The following PGR variants were observed in gnomAD, a reference collection of about 807,000 sequenced individuals.
The protein encoded by PGR is progesterone receptor.
A neutral mutation model predicts 76.1 loss-of-function variants in PGR; 25 were observed. The observed-to-expected ratio is 0.33, with a 90% CI of 0.24 to 0.46. The LOEUF is 0.46. Among genes scored for constraint, PGR ranks in the 20% least tolerant of loss-of-function variants. The pLI is 1.00. For synonymous variants in PGR, 579 were observed against 535.0 expected (o/e 1.08, Z -1.14); for missense variants, 1,172 against 1,225.3 (o/e 0.96, Z 0.65).
chr11:101,096,774 A>T (rs1251560940), intron 2 of PGR, among the ~76,000 whole-genome samples: 1 of 152,224 alleles, frequency 6.6e-6, no homozygotes, highest in Non-Finnish European at 1.5e-5. Flanking sequence ...TCACTCACTC[A>T]TAAACCGTAG....
At chr11:101,099,662 C>G (rs1861937453) in intron 2 of PGR, among the ~76,000 whole-genome samples, 1 of 152,184 alleles carries the variant, frequency 6.6e-6, no homozygotes, top group South Asian at 2.1e-4. Flanking sequence ...GGGTCACGGT[C>G]ATGTCCAGAG....
chr11:101,032,852 A>T lies in PGR; in HGVS notation c.*6264T>A. 1 of 188,056 alleles carries T rather than the reference A, an allele frequency of 5.3e-6. No homozygotes were observed. Among genetic ancestry groups the T allele is most frequent in the South Asian group, 1.9e-4 (1 of 5,130 alleles). The allele number at this position is 188,056 out of a possible 1,614,324, so 11.6% of individuals were successfully genotyped here. On this transcript the variant is annotated 3_prime_UTR_variant, in exon 8 of 8. Coordinates refer to ENST00000325455, the MANE Select transcript of PGR (RefSeq NM_000926.4). ...AGACGGGAACACTGGTAATCTCCACAATCTAGCAGAGTGACTGGCATACAG... is the reference window on the plus strand; with the variant it reads ...AGACGGGAACACTGGTAATCTCCACTATCTAGCAGAGTGACTGGCATACAG...
At chr11:101,049,847 A>T in intron 6 of PGR, 82 bp downstream of exon 6, 1 of 1,122,232 alleles carries the variant, frequency 8.9e-7, no homozygotes, top group Non-Finnish European at 1.3e-6. Flanking sequence ...CTCATACATA[A>T]CTATATAATC....
chr11:101,083,962 G>A (rs1300275785), intron 3 of PGR, among the ~76,000 whole-genome samples: 1 of 152,060 alleles, frequency 6.6e-6, no homozygotes, highest in African/African-American at 2.4e-5. Context: ...GAGGGGCCAG[G>A]GGCAGAATGA....
chr11:101,056,704 C>T (rs1310163689), intron 4 of PGR, among the ~76,000 whole-genome samples: 1 of 151,342 alleles, frequency 6.6e-6, no homozygotes, highest in Non-Finnish European at 1.5e-5. Flanking sequence ...AATCTTACTC[C>T]CAGAGTTTTG....
chr11:101,036,060 T>G lies in PGR; in HGVS notation c.*3056A>C, dbSNP rs112871859. ...GACTTGCTTAATCTCATCCAGCTAGTAAGTGGCAGAGAAGGGGGGCACAGT... is the reference window on the plus strand; with the variant it reads ...GACTTGCTTAATCTCATCCAGCTAGGAAGTGGCAGAGAAGGGGGGCACAGT... On this transcript the variant is annotated 3_prime_UTR_variant, in exon 8 of 8. Transcript: ENST00000325455. 4,512 of 222,660 alleles carry G rather than the reference T, an allele frequency of 0.02. 67 individuals are homozygous for G. The highest frequency in any genetic ancestry group is 0.029 in the Non-Finnish European group (3,206 of 111,518). The allele number at this position is 222,660 out of a possible 1,614,324, so 13.8% of individuals were successfully genotyped here.
At chr11:101,124,508 T>A (rs1862779827) in intron 2 of PGR, among the ~76,000 whole-genome samples, 1 of 152,206 alleles carries the variant, frequency 6.6e-6, no homozygotes, top group Admixed American at 6.5e-5. Context: ...TGAGATTTGC[T>A]TATCTTTCAA....
chr11:101,062,955 C>T lies in PGR; in HGVS notation c.1907-203G>A, dbSNP rs563041443. On this transcript the variant is annotated intron_variant, in intron 3 of 7. Coordinates refer to ENST00000325455, the MANE Select transcript of PGR (RefSeq NM_000926.4). ...AACTCTTGATTAAAAAAAATTTAGG[C>T]CTCAGACTTGGATTAAATAATTAGT... 5.6e-5 allele frequency: 26 copies of T among 466,142 alleles called. No homozygotes were observed. In the South Asian group the frequency reaches 6.2e-4, roughly 11 times the overall value. 28.9% of individuals were successfully genotyped at this position (466,142 alleles called of 1,614,324 possible).
At position 101,037,503 on chromosome 11, in the gene PGR, T is replaced by G. The variant is rs1180249534; in HGVS notation, c.*1613A>C. 4.4e-6 allele frequency: 1 copy of G among 226,946 alleles called. No individual in the cohort carries two copies. The highest frequency in any genetic ancestry group is 8.8e-6 in the Non-Finnish European group (1 of 114,198). The allele number at this position is 226,946 out of a possible 1,614,324, so 14.1% of individuals were successfully genotyped here. ...CAGTACAAAACAATTTAAGGCTACATAAACATAAGAAATAATTGTTTTGTG... is the reference window on the plus strand; with the variant it reads ...CAGTACAAAACAATTTAAGGCTACAGAAACATAAGAAATAATTGTTTTGTG... On this transcript the variant is annotated 3_prime_UTR_variant, in exon 8 of 8. Transcript: ENST00000325455.
intron 2 of PGR, among the ~76,000 whole-genome samples, chr11:101,109,994 C>A (rs1862294193): frequency 6.6e-6 from 1 of 152,148 alleles, no homozygotes; most frequent in Non-Finnish European, 1.5e-5. Context: ...AGAAATGGAA[C>A]AACAAAGCCT....
rs1396844023 is a variant in PGR, at chr11:101,127,782, G to T, written c.1289C>A (p.Thr430Asn). 6.4e-7 allele frequency: 1 copy of T among 1,563,808 alleles called. No homozygotes were observed. Among genetic ancestry groups the T allele is most frequent in the African/African-American group, 1.3e-5 (1 of 74,534 alleles). The change falls in exon 1 of 8, where the codon ACC (threonine) becomes AAC (asparagine). Residue 430 changes from threonine to asparagine, a missense_variant. Coordinates refer to ENST00000325455, the MANE Select transcript of PGR (RefSeq NM_000926.4). Reference sequence around the variant, plus strand: ...CGCCGCTTCCCCGGGTCTGGATGGGGTCGCTCGCGGCGGCAGCGGGGGCGG... The same window carrying T: ...CGCCGCTTCCCCGGGTCTGGATGGGTTCGCTCGCGGCGGCAGCGGGGGCGG... The part of the protein sequence containing the change: ...GPPPPLPPRA[T>N]PSRPGEAAVT...
At chr11:101,043,444 C>T (rs1293819174) in intron 6 of PGR, among the ~76,000 whole-genome samples, 1 of 152,170 alleles carries the variant, frequency 6.6e-6, no homozygotes, top group Non-Finnish European at 1.5e-5. Flanking sequence ...CCCTCAAAGT[C>T]ATGCAAGAGG....
chr11:101,036,229 T>C lies in PGR; in HGVS notation c.*2887A>G, dbSNP rs1184805733. On this transcript the variant is annotated 3_prime_UTR_variant, in exon 8 of 8. Coordinates refer to ENST00000325455, the MANE Select transcript of PGR (RefSeq NM_000926.4). ...TTGTTCATCATATTTCCATATCATCTGTATAGCAATAAATTATCTTAATGT... is the reference window on the plus strand; with the variant it reads ...TTGTTCATCATATTTCCATATCATCCGTATAGCAATAAATTATCTTAATGT... The C allele has an allele frequency of 4.5e-6, 1 of 221,418 alleles. No homozygotes were observed. Among genetic ancestry groups the C allele is most frequent in the East Asian group, 6.6e-5 (1 of 15,038 alleles). The allele number at this position is 221,418 out of a possible 1,614,324, so 13.7% of individuals were successfully genotyped here. A position where few individuals can be genotyped will look rare whatever the true frequency, so the allele number is the denominator to read the frequency against.
rs1470399356 is a variant in PGR at position 101,033,998 on chromosome 11, C to G, written c.*5118G>C. On this transcript the variant is annotated 3_prime_UTR_variant, in exon 8 of 8. Coordinates refer to ENST00000325455, the MANE Select transcript of PGR (RefSeq NM_000926.4). Reference sequence around the variant, plus strand: ...TTTAAATATTTTATTCATATCTATCCGAATATTGACCAGGACACTAATGCC... The same window carrying G: ...TTTAAATATTTTATTCATATCTATCGGAATATTGACCAGGACACTAATGCC... 4.4e-6 allele frequency: 1 copy of G among 229,156 alleles called. No individual in the cohort carries two copies. The highest frequency in any genetic ancestry group is 8.6e-6 in the Non-Finnish European group (1 of 115,678). The allele number at this position is 229,156 out of a possible 1,614,324, so 14.2% of individuals were successfully genotyped here.
intron 3 of PGR, among the ~76,000 whole-genome samples, chr11:101,066,381 GTC>G (rs1461393909): frequency 6.6e-6 from 1 of 152,150 alleles, no homozygotes; most frequent in South Asian, 2.1e-4. Flanking sequence ...CACTCTTTCA[GTC>G]TCTCTGTCTA....
intron 2 of PGR, among the ~76,000 whole-genome samples, chr11:101,116,381 G>A (rs1272091702): frequency 6.6e-6 from 1 of 152,224 alleles, no homozygotes; most frequent in Admixed American, 6.5e-5. Context: ...ACTAGGCGGG[G>A]CCAGTGTGGA....
intron 3 of PGR, among the ~76,000 whole-genome samples, chr11:101,091,559 A>G (rs984933058): frequency 6.6e-6 from 1 of 152,158 alleles, no homozygotes; most frequent in Non-Finnish European, 1.5e-5. Context: ...CTCTTAACAG[A>G]CCTCAATGTG....
chr11:101,120,621 T>A, intron 2 of PGR, among the ~76,000 whole-genome samples: 1 of 152,172 alleles, frequency 6.6e-6, no homozygotes, highest in East Asian at 1.9e-4. Context: ...ATGCATAAAT[T>A]ATGATATATA....
intron 3 of PGR, among the ~76,000 whole-genome samples, chr11:101,076,789 G>A (rs1861140651): frequency 1.3e-5 from 2 of 151,470 alleles, no homozygotes; most frequent in African/African-American, 2.4e-5. Context: ...TCTTTAGCAT[G>A]TTTTAATAAA....
Sources: gnomAD v4.1 joint callset for allele counts (sites outside exome capture counted in the v4.1 genomes callset) on GRCh38, gnomAD v4.1.1 for gene constraint, MANE v1.5 for transcripts, NCBI Gene and HGNC (gene_info 2026-07-23, HGNC 2026-07-21) for gene names.